Variants in TTN observed in about 807,000 individuals in gnomAD.
TTN encodes titin.
TTN carries 1,525 observed loss-of-function variants against 3,223.0 expected under a neutral mutation model. The ratio of observed to expected loss-of-function variants is 0.47; its 90% CI spans 0.45 to 0.49. The LOEUF (loss-of-function observed/expected upper bound fraction) is 0.49. Among genes scored for constraint, TTN ranks in the 20% least tolerant of loss-of-function variants. The pLI is 0.00. For synonymous variants in TTN, 14,094 were observed against 15,161.0 expected (o/e 0.93, Z 5.17); for missense variants, 40,786 against 43,424.0 (o/e 0.94, Z 5.40).
intron 291 of TTN, 27 bp downstream of exon 291, chr2:178,598,721 A>T: frequency 6.2e-7 from 1 of 1,603,228 alleles, no homozygotes; most frequent in Non-Finnish European, 8.5e-7. Flanking sequence ...ATAAGATTTA[A>T]AAAAAAGGAA....
intron 203 of TTN, 39 bp downstream of exon 203, chr2:178,652,225 A>G (rs753022518): frequency 1.2e-6 from 2 of 1,612,714 alleles, no homozygotes; most frequent in African/African-American, 2.7e-5. Flanking sequence ...AGTAAAGACA[A>G]ACAAACAATA....
chr2:178,780,271 T>C, intron 21 of TTN, 66 bp from the exon 22 acceptor site: 1 of 1,424,594 alleles, frequency 7.0e-7, no homozygotes, highest in South Asian at 1.2e-5. Flanking sequence ...CCACTATGCA[T>C]TCAGGTAAAC....
Position 178,570,419 on chromosome 2 carries a change from A to T in TTN, c.75713T>A (p.Ile25238Lys). The T allele has an allele frequency of 2.5e-6, 4 of 1,613,192 alleles. No individual in the cohort carries two copies. Among genetic ancestry groups the T allele is most frequent in the Non-Finnish European group, 3.4e-6 (4 of 1,179,578 alleles). ...PPLQDGGSDI[I>K]NYIVERRETS... Reference sequence around the variant, plus strand: ...TTCTCTCCTTTCCACAATATAATTTATGATGTCACTCCCACCATCCTGAAG... The same window carrying T: ...TTCTCTCCTTTCCACAATATAATTTTTGATGTCACTCCCACCATCCTGAAG... Residue 25238 changes from isoleucine (I) to lysine (K), a missense_variant, in exon 326 of 363, where the codon ATA (isoleucine) becomes AAA (lysine). By Grantham distance (102) the Ile-to-Lys change is moderately radical. Transcript: ENST00000589042.
At position 178,704,052 on chromosome 2, in the gene TTN, T is replaced by C. The variant is rs1246363792; in HGVS notation, c.30223+95A>G. The C allele has an allele frequency of 2.7e-6, 4 of 1,473,676 alleles. No individual in the cohort carries two copies. In the African/African-American group the frequency reaches 5.6e-5, roughly 21 times the overall value. 91.3% of individuals were successfully genotyped at this position (1,473,676 alleles called of 1,614,324 possible). A position where few individuals can be genotyped will look rare whatever the true frequency, so the allele number is the denominator to read the frequency against. ...GGGAAATAAGAACACATGACCACTT[T>C]GGTGTGTGTCTACAGGTAGGGTTGC... On this transcript the variant is annotated intron_variant, in intron 106 of 362. Coordinates refer to ENST00000589042, the MANE Select transcript of TTN (RefSeq NM_001267550.2).
At position 178,773,219 on chromosome 2, in the gene TTN, G is replaced by A; in HGVS notation, c.7745C>T (p.Ala2582Val). The A allele has an allele frequency of 5.0e-6, 8 of 1,613,600 alleles. No individual in the cohort carries two copies. Among genetic ancestry groups the A allele is most frequent in the Non-Finnish European group, 6.8e-6 (8 of 1,179,882 alleles). ...TGTCAATTTATATATTTTTCCATGT[G>A]CTTCAATTTTATATTTAGAACTGGG... ...IKPSSKYKIE[A>V]HGKIYKLTVL... Residue 2582 changes from alanine (A) to valine (V), a missense_variant, in exon 33 of 363, where the codon GCA (alanine) becomes GTA (valine). Coordinates refer to ENST00000589042, the MANE Select transcript of TTN (RefSeq NM_001267550.2).
intron 6 of TTN, chr2:178,799,138 C>T (rs2093917791): frequency 3.5e-6 from 1 of 289,100 alleles, no homozygotes; most frequent in Non-Finnish European, 6.8e-6. Flanking sequence ...GTGCGTGGTC[C>T]CTAGCGAGGC....
intron 43 of TTN, among the ~76,000 whole-genome samples, chr2:178,763,921 G>A (rs1191001416): frequency 1.2e-5 from 1 of 81,940 alleles, no homozygotes; most frequent in Non-Finnish European, 2.6e-5. Context: ...TTTAATATTA[G>A]TGAAAAACAC....
rs1361452637 is a variant in TTN at position 178,739,244 on chromosome 2, G to A, written c.13989C>T (p.Ile4663=). Residue 4663 remains isoleucine, a synonymous_variant, in exon 48 of 363, where the codon ATC becomes ATT. Transcript: ENST00000589042. ...LQDQNTYTLV[I]DKVNTEDHQG... ...GATGGTCTTCGGTATTTACTTTGTC[G>A]ATGACTAGCGTATATGTATTTTGAT... The A allele has an allele frequency of 3.8e-6, 6 of 1,595,360 alleles. No individual in the cohort carries two copies. Among genetic ancestry groups the A allele is most frequent in the African/African-American group, 2.7e-5 (2 of 74,528 alleles).
Position 178,718,108 on chromosome 2 carries a change from C to T in TTN, c.24898G>A (p.Glu8300Lys), listed in dbSNP as rs1300968279. The T allele has an allele frequency of 6.2e-7, 1 of 1,612,316 alleles. No individual in the cohort carries two copies. The highest frequency in any genetic ancestry group is 1.3e-5 in the African/African-American group (1 of 74,860). The change falls in exon 86 of 363, where the codon GAA (glutamate) becomes AAA (lysine). Residue 8300 changes from glutamate to lysine, a missense_variant. Physicochemically the swap from Glu to Lys is moderately conservative, Grantham distance 56. Coordinates refer to ENST00000589042, the MANE Select transcript of TTN (RefSeq NM_001267550.2). ...GGAGCTGATCGTAGCTTTGTGTGTTCTTTATACCAAGAAATTCTAATTTCT... is the reference window on the plus strand; with the variant it reads ...GGAGCTGATCGTAGCTTTGTGTGTTTTTTATACCAAGAAATTCTAATTTCT... Reference protein sequence around the residue: ...TPEIRISWYKEHTKLRSAPAY... With the variant: ...TPEIRISWYKKHTKLRSAPAY...
At position 178,702,265 on chromosome 2, in the gene TTN, A is replaced by G; in HGVS notation, c.30434-20T>C. 6.2e-7 allele frequency: 1 copy of G among 1,613,826 alleles called. No homozygotes were observed. The highest frequency in any genetic ancestry group is 8.5e-7 in the Non-Finnish European group (1 of 1,179,838). On this transcript the variant is annotated intron_variant, in intron 107 of 362. Transcript: ENST00000589042. ...AGACACCTAGGGTGAAAAATCATCC[A>G]ACTTTTGTTTTCTGATATGTTGCAA...
In TTN at chr2:178,604,976, A is replaced by G. The variant is rs767647892; in HGVS notation, c.54190+11T>C. On this transcript the variant is annotated intron_variant, in intron 280 of 362. Coordinates refer to ENST00000589042, the MANE Select transcript of TTN (RefSeq NM_001267550.2). ...GGATGCCTTTTTGATGTAAGAAAGC[A>G]AGTCACTTACCATATACTTCAACGT... 6.3e-7 allele frequency: 1 copy of G among 1,589,238 alleles called. No individual in the cohort carries two copies. Among genetic ancestry groups the G allele is most frequent in the Non-Finnish European group, 8.6e-7 (1 of 1,165,862 alleles).
chr2:178,563,855 G>C lies in TTN; in HGVS notation c.82277C>G (p.Ala27426Gly). ...SWTQVSTEVQ[A>G]LNYKVTKLLP... ...AAGTTTAGTAACTTTGTAGTTAAGG[G>C]CCTGTACCTCAGTTGAAACCTGGGT... Residue 27426 changes from alanine (A) to glycine (G), a missense_variant, in exon 326 of 363, where the codon GCC becomes GGC. Ala to Gly is a moderately conservative substitution (Grantham distance 60, BLOSUM62 0). Transcript: ENST00000589042. This position sits in a 1 kb window ranked among gnomAD's most constrained non-coding sequence, Gnocchi z 4.5. 1 of 1,613,598 alleles carries C rather than the reference G, an allele frequency of 6.2e-7. No homozygotes were observed. Among genetic ancestry groups the C allele is most frequent in the Admixed American group, 1.7e-5 (1 of 59,970 alleles).
intron 106 of TTN, among the ~76,000 whole-genome samples, chr2:178,703,189 A>C (rs2075296608): frequency 6.6e-6 from 1 of 152,216 alleles, no homozygotes; most frequent in Non-Finnish European, 1.5e-5. Context: ...TGCTAAGTAC[A>C]TATGGGCACA....
At position 178,785,717 on chromosome 2, in the gene TTN, G is replaced by A. The variant is rs149061352; in HGVS notation, c.2396C>T (p.Thr799Met). 79 of 1,614,126 alleles carry A rather than the reference G, an allele frequency of 4.9e-5. No individual in the cohort carries two copies. Among genetic ancestry groups the A allele is most frequent in the African/African-American group, 1.2e-4 (9 of 75,032 alleles). The change falls in exon 15 of 363, where the codon ACG (threonine) becomes ATG (methionine). Residue 799 changes from threonine to methionine, a missense_variant. Coordinates refer to ENST00000589042, the MANE Select transcript of TTN (RefSeq NM_001267550.2). ...SQIKKTTDLT[T>M]ERLVHVDKRP... ...TTTATCCACATGGACTAATCTTTCC[G>A]TTGTTAGATCTGTAGTTTTCTTGAT...
At chr2:178,783,490 C>T (rs2092948568) in intron 17 of TTN, among the ~76,000 whole-genome samples, 1 of 152,170 alleles carries the variant, frequency 6.6e-6, no homozygotes, top group Admixed American at 6.5e-5. Flanking sequence ...ATATTAGAAG[C>T]TCATTAAATC....
At chr2:178,664,805 A>G (rs1224888923) in intron 166 of TTN, 47 bp downstream of exon 166, 4 of 1,610,012 alleles carry the variant, frequency 2.5e-6, no homozygotes, top group Non-Finnish European at 3.4e-6. Flanking sequence ...AATATTCTCA[A>G]AACTACAAGA....
At chr2:178,646,140 A>ATATATATATATG (rs2061956665) in intron 216 of TTN, 110 bp from the exon 217 acceptor site, 1 of 159,964 alleles carries the variant, frequency 6.3e-6, no homozygotes, top group African/African-American at 2.8e-5. Flanking sequence ...ATATATATAT[A>ATATATATATATG]TATATATGAA....
rs574910863 is a variant in TTN, at chr2:178,700,148, G to C, written c.30682+972C>G. Among the ~76,000 whole-genome samples, 27 of 152,268 alleles carry C rather than the reference G, an allele frequency of 1.8e-4. 1 individual carries two copies. The South Asian group carries it at 5.2e-3, about 29-fold the overall frequency. ...GTTATTATTTTTGACAACAGAAATA[G>C]AAATGGAAATCCAATTTATGATTGT... On this transcript the variant is annotated intron_variant, in intron 111 of 362. Transcript: ENST00000589042.
rs1456798371 is a variant in TTN, at chr2:178,740,948, C to T, written c.12285G>A (p.Glu4095=). 6.2e-7 allele frequency: 1 copy of T among 1,613,918 alleles called. No individual in the cohort carries two copies. Among genetic ancestry groups the T allele is most frequent in the South Asian group, 1.1e-5 (1 of 91,090 alleles). The change falls in exon 48 of 363, where the codon GAG becomes GAA. Residue 4095 remains glutamate, a synonymous_variant. Coordinates refer to ENST00000589042, the MANE Select transcript of TTN (RefSeq NM_001267550.2). Reference sequence around the variant, plus strand: ...TCAATTCATTGGCTTTAGCAATATGCTCATAAGATAGTTGCTGGTTTTCTT... The same window carrying T: ...TCAATTCATTGGCTTTAGCAATATGTTCATAAGATAGTTGCTGGTTTTCTT... The part of the protein sequence containing the change: ...ITEENQQLSY[E]HIAKANELSS...
Sources: gnomAD v4.1 joint callset for allele counts (sites outside exome capture counted in the v4.1 genomes callset) on GRCh38, gnomAD v4.1.1 for gene constraint, Gnocchi (gnomAD v3.1) non-coding constraint, MANE v1.5 for transcripts, NCBI Gene and HGNC (gene_info 2026-07-23, HGNC 2026-07-21) for gene names.